SORL1: variants seen among roughly 807,000 people sequenced by gnomAD.
The protein encoded by SORL1 is sortilin-related receptor.
SORL1 carries 127 observed loss-of-function variants against 273.7 expected under a neutral mutation model. The observed-to-expected ratio is 0.46, with a 90% CI of 0.40 to 0.54. SORL1 has a LOEUF of 0.54. SORL1 is among the 20% of genes least tolerant of loss of function. The probability of loss-of-function intolerance (pLI) is 0.00; values close to 1 mark genes in which losing one functional copy is unlikely to be tolerated. For missense variants in SORL1, 2,494 were observed against 2,846.1 expected, an observed-to-expected ratio of 0.88 and a Z score of 2.81; for synonymous variants, 1,031 against 1,067.4, an observed-to-expected ratio of 0.97 and a Z score of 0.66.
intron 18 of SORL1, among the ~76,000 whole-genome samples, chr11:121,555,942 C>T (rs758138207): frequency 1.7e-4 from 26 of 152,102 alleles, no homozygotes; most frequent in African/African-American, 2.7e-4. Flanking sequence ...CATGGAGAGA[C>T]GGCATGTGGG....
chr11:121,483,104 A>T (rs1591558754), intron 3 of SORL1, among the ~76,000 whole-genome samples: 2 of 152,234 alleles, frequency 1.3e-5, no homozygotes, highest in South Asian at 4.1e-4. Context: ...AATAATTTTT[A>T]AAAAATAGAG....
chr11:121,570,273 GA>G lies in SORL1; in HGVS notation c.3337+4del. ...CATGAGCGATGAGAGAAACTGCCGTGAGTCTTCTGGATTGGACGTTAAGCAC... is the reference window on the plus strand; with the variant it reads ...CATGAGCGATGAGAGAAACTGCCGTGGTCTTCTGGATTGGACGTTAAGCAC... On this transcript the variant is annotated splice_donor_region_variant and intron_variant, in intron 23 of 47. Transcript: ENST00000260197. The G allele has an allele frequency of 6.2e-7, 1 of 1,603,224 alleles. No homozygotes were observed. The highest frequency in any genetic ancestry group is 8.5e-7 in the Non-Finnish European group (1 of 1,170,178).
Position 121,619,765 on chromosome 11 carries a change from G to A in SORL1, c.5737G>A (p.Val1913Ile). 3 of 1,614,052 alleles carry A rather than the reference G, an allele frequency of 1.9e-6. No individual in the cohort carries two copies. Among genetic ancestry groups the A allele is most frequent in the Non-Finnish European group, 2.5e-6 (3 of 1,179,942 alleles). The change falls in exon 43 of 48, where the codon GTA (valine) becomes ATA (isoleucine). Residue 1913 changes from valine (V) to isoleucine (I), a missense_variant. Val to Ile is a conservative substitution (Grantham distance 29). Coordinates refer to ENST00000260197, the MANE Select transcript of SORL1 (RefSeq NM_003105.6). Reference sequence around the variant, plus strand: ...GCTTGGGCTTCAGGTCCGTGTAGTGGTACCCTACCAGGGGCCATCCTCTGA... The same window carrying A: ...GCTTGGGCTTCAGGTCCGTGTAGTGATACCCTACCAGGGGCCATCCTCTGA... The part of the protein sequence containing the change: ...EQYLFLVRVV[V>I]PYQGPSSDYV...
chr11:121,534,443 G>A (rs911952840), intron 12 of SORL1, among the ~76,000 whole-genome samples: 1 of 152,220 alleles, frequency 6.6e-6, no homozygotes, highest in Admixed American at 6.5e-5. Context: ...ATTTTGAAAT[G>A]ACTTGGGGGT....
rs17125548 is a variant in SORL1, at chr11:121,618,854, G to A, written c.5685G>A (p.Lys1895=). The A allele has an allele frequency of 0.034, 55,289 of 1,613,910 alleles. 2,833 individuals are homozygous for A. Among genetic ancestry groups the A allele is most frequent in the African/African-American group, 0.25 (18,563 of 74,936 alleles). ...PKSLTTSLHN[K]TVIVSKDEQY... The stretch of plus-strand genomic sequence containing the variant: ...GCTTGACTACTTCACTCCACAACAA[G>A]ACGGTCATTGTCAGTAAGGATGAGC... Residue 1895 remains lysine, a synonymous_variant, in exon 42 of 48, where the codon AAG becomes AAA. Transcript: ENST00000260197.
chr11:121,621,290 G>C, intron 44 of SORL1, 52 bp downstream of exon 44: 1 of 1,514,020 alleles, frequency 6.6e-7, no homozygotes, highest in Non-Finnish European at 9.1e-7. Flanking sequence ...CCTCAGTGCT[G>C]TGCCGCTAGA....
At chr11:121,532,040 GT>G (rs1252371187) in intron 11 of SORL1, among the ~76,000 whole-genome samples, 54 of 152,304 alleles carry the variant, frequency 3.5e-4, no homozygotes, top group Admixed American at 3.5e-3. Flanking sequence ...ACTGGTAGTT[GT>G]TTTTTGTCCA....
chr11:121,598,459 C>T (rs963100240), intron 32 of SORL1, among the ~76,000 whole-genome samples: 2 of 152,112 alleles, frequency 1.3e-5, no homozygotes, highest in African/African-American at 4.8e-5. Flanking sequence ...GGGGCTAGCA[C>T]GATGGTGGGT....
At chr11:121,589,814 G>GT (rs1428967081) in intron 29 of SORL1, among the ~76,000 whole-genome samples, 6 of 152,204 alleles carry the variant, frequency 3.9e-5, no homozygotes, top group Non-Finnish European at 8.8e-5. Context: ...GGATATTGTA[G>GT]TATAGATCAG....
chr11:121,579,500 C>T lies in SORL1; in HGVS notation c.3580+2100C>T, dbSNP rs901676751. On this transcript the variant is annotated intron_variant, in intron 25 of 47. Coordinates refer to ENST00000260197, the MANE Select transcript of SORL1 (RefSeq NM_003105.6). Reference sequence around the variant, plus strand: ...TTCCACGAGGCTGTTTCTTTATTCACCTCAACCCACCGCTATTGTTTTTAA... The same window carrying T: ...TTCCACGAGGCTGTTTCTTTATTCATCTCAACCCACCGCTATTGTTTTTAA... Among the ~76,000 whole-genome samples the T allele has an allele frequency of 2.0e-5, 3 of 152,180 alleles. No individual in the cohort carries two copies. The East Asian group carries it at 5.8e-4, about 29-fold the overall frequency.
chr11:121,484,104 G>A (rs755184436), intron 3 of SORL1, among the ~76,000 whole-genome samples: 6 of 152,182 alleles, frequency 3.9e-5, no homozygotes, highest in Non-Finnish European at 7.3e-5. Flanking sequence ...GTCTGAAGAT[G>A]GAGATTGTCT....
chr11:121,558,621 G>T lies in SORL1; in HGVS notation c.2694G>T (p.Leu898=). The T allele has an allele frequency of 6.2e-7, 1 of 1,614,146 alleles. No homozygotes were observed. The highest frequency in any genetic ancestry group is 8.5e-7 in the Non-Finnish European group (1 of 1,180,022). The change falls in exon 20 of 48, where the codon CTG becomes CTT. Residue 898 remains leucine, a synonymous_variant. Transcript: ENST00000260197. The part of the protein sequence containing the change: ...GVMFWTDWGD[L]KPGIYRSNMD... ...TGTTCTGGACAGACTGGGGAGACCT[G>T]AAGCCTGGGATTTATCGGAGCAATA...
intron 42 of SORL1, among the ~76,000 whole-genome samples, chr11:121,619,513 G>A (rs1286115433): frequency 6.6e-6 from 1 of 152,174 alleles, no homozygotes; most frequent in Non-Finnish European, 1.5e-5. Flanking sequence ...AAGGATACAC[G>A]TACATACATA....
At chr11:121,519,301 C>A (rs147374088) in intron 8 of SORL1, among the ~76,000 whole-genome samples, 1 of 152,090 alleles carries the variant, frequency 6.6e-6, no homozygotes, top group Non-Finnish European at 1.5e-5. Flanking sequence ...CTCAGAGATC[C>A]GCTCTATTTG....
chr11:121,466,090 T>C (rs1438054476), intron 1 of SORL1, among the ~76,000 whole-genome samples: 1 of 152,206 alleles, frequency 6.6e-6, no homozygotes, highest in African/African-American at 2.4e-5. Flanking sequence ...TCTGTTTGCC[T>C]TCTGAGGGGA....
At position 121,540,522 on chromosome 11, in the gene SORL1, C is replaced by CAAAAAAAAAAAAAAAAAAAAAAAAA. The variant is rs34608652; in HGVS notation, c.1686-3012_1686-3011insAAAAAAAAAAAAAAAAAAAAAAAAA. Reference sequence around the variant, plus strand: ...TGAAATCCTATCTCTACTAAAAATACAAAAAAAAAAAAAAGAATGCAAAGA... The same window carrying CAAAAAAAAAAAAAAAAAAAAAAAAA: ...TGAAATCCTATCTCTACTAAAAATACAAAAAAAAAAAAAAAAAAAAAAAAAAAAAAAAAAAAAAAGAATGCAAAGA... On this transcript the variant is annotated intron_variant, in intron 12 of 47. Transcript: ENST00000260197. Among the ~76,000 whole-genome samples, 139 of 103,722 alleles carry CAAAAAAAAAAAAAAAAAAAAAAAAA rather than the reference C, an allele frequency of 1.3e-3. 8 individuals carry two copies. Among genetic ancestry groups the CAAAAAAAAAAAAAAAAAAAAAAAAA allele is most frequent in the East Asian group, 1.6e-3 (6 of 3,658 alleles). 68.0% of individuals were successfully genotyped at this position (103,722 alleles called of 152,430 possible). A position where few individuals can be genotyped will look rare whatever the true frequency, so the allele number is the denominator to read the frequency against.
intron 31 of SORL1, among the ~76,000 whole-genome samples, chr11:121,591,718 G>C (rs1227365515): frequency 6.6e-6 from 1 of 152,192 alleles, no homozygotes; most frequent in Non-Finnish European, 1.5e-5. Flanking sequence ...CAGAGGTGAG[G>C]ATCCTGTGTT....
At chr11:121,477,586 G>A (rs778266793) in intron 2 of SORL1, among the ~76,000 whole-genome samples, 1 of 152,244 alleles carries the variant, frequency 6.6e-6, no homozygotes. Context: ...AGTGGGGACT[G>A]CAGGGGTCCC....
At position 121,614,853 on chromosome 11, in the gene SORL1, CT is replaced by C. The variant is rs1430056900; in HGVS notation, c.5420-14del. ...ACCCCCAACTTCCTCCTGGAATCTCCTTTTCCTGTTTTCACAGTTGGCAATC... is the reference window on the plus strand; with the variant it reads ...ACCCCCAACTTCCTCCTGGAATCTCCTTTCCTGTTTTCACAGTTGGCAATC... On this transcript the variant is annotated splice_polypyrimidine_tract_variant and intron_variant, in intron 40 of 47. Transcript: ENST00000260197. The C allele has an allele frequency of 9.3e-6, 15 of 1,610,220 alleles. No homozygotes were observed. The African/African-American group carries it at 1.9e-4, about 20-fold the overall frequency.
Sources: allele counts gnomAD v4.1 joint callset (sites outside exome capture counted in the v4.1 genomes callset), GRCh38; gene constraint gnomAD v4.1.1; transcripts MANE v1.5; gene names NCBI Gene and HGNC (gene_info 2026-07-23, HGNC 2026-07-21).